The following CLCN7 variants were observed in gnomAD, a reference collection of about 807,000 sequenced individuals.
CLCN7 encodes Cl-/H+ antiporter 7.
Under a neutral mutation model 102.1 loss-of-function variants are expected in CLCN7, and 60 were observed. The ratio of observed to expected loss-of-function variants is 0.59; its 90% CI spans 0.48 to 0.73. CLCN7 has a LOEUF of 0.73. Ranked by LOEUF, CLCN7 falls within the 30% of genes least tolerant of loss-of-function variation. CLCN7 has a pLI of 0.00. For missense variants in CLCN7, 962 were observed against 1,125.7 expected (o/e 0.85, Z 2.08); for synonymous variants, 560 against 490.5 (o/e 1.14, Z -1.87).
Position 1,454,594 on chromosome 16 carries a change from G to A in CLCN7, c.1099-129C>T, listed in dbSNP as rs577284379. On this transcript the variant is annotated intron_variant, in intron 12 of 24. Coordinates refer to ENST00000382745, the MANE Select transcript of CLCN7 (RefSeq NM_001287.6). ...AGAGCCTTCCCGCCCTTCCACGCAG[G>A]CTGCGGAAGTCCACAGGGGAGAAAC... 1.9e-5 allele frequency: 17 copies of A among 898,032 alleles called. No individual in the cohort carries two copies. The East Asian group carries it at 4.3e-4, about 23-fold the overall frequency. The allele number at this position is 898,032 out of a possible 1,614,324, so 55.6% of individuals were successfully genotyped here. A position where few individuals can be genotyped will look rare whatever the true frequency, so the allele number is the denominator to read the frequency against.
chr16:1,471,212 G>A (rs1221056527), intron 1 of CLCN7, among the ~76,000 whole-genome samples: 2 of 152,166 alleles, frequency 1.3e-5, no homozygotes, highest in Admixed American at 6.5e-5. Context: ...GCCCTGCCCA[G>A]GGCAGCCACC....
intron 23 of CLCN7, 124 bp downstream of exon 23, chr16:1,447,268 G>A: frequency 3.3e-6 from 4 of 1,218,114 alleles, no homozygotes; most frequent in Non-Finnish European, 4.6e-6. Context: ...GCCCTTCACA[G>A]GAGACAGAGT....
chr16:1,451,788 C>T lies in CLCN7; in HGVS notation c.1354-72G>A, dbSNP rs77899539. 6,625 of 1,282,964 alleles carry T rather than the reference C, an allele frequency of 5.2e-3. 287 individuals carry two copies. The African/African-American group carries it at 0.087, about 17-fold the overall frequency. 79.5% of individuals were successfully genotyped at this position (1,282,964 alleles called of 1,614,324 possible). A position where few individuals can be genotyped will look rare whatever the true frequency, so the allele number is the denominator to read the frequency against. ...TGGGCTGCAGGCACAAACCTGGTGT[C>T]GCCGTGAGAGGCCGTGTACCCTGTG... is the stretch of plus-strand genomic sequence containing the variant. On this transcript the variant is annotated intron_variant, in intron 15 of 24. Transcript: ENST00000382745.
intron 21 of CLCN7, 23 bp from the exon 22 acceptor site, chr16:1,447,737 G>A: frequency 6.5e-7 from 1 of 1,548,986 alleles, no homozygotes; most frequent in Non-Finnish European, 8.7e-7. Flanking sequence ...CCCGCGGTCA[G>A]GGCCACGGGC....
In CLCN7 at chr16:1,474,826, G is replaced by C. The variant is rs11861560; in HGVS notation, c.141+8C>G. Reference sequence around the variant, plus strand: ...CAGTTTCCCCGCCTGCGCCCTGCCCGGCCTCACCTGGCGCGCAGCCCCAGG... The same window carrying C: ...CAGTTTCCCCGCCTGCGCCCTGCCCCGCCTCACCTGGCGCGCAGCCCCAGG... On this transcript the variant is annotated splice_region_variant and intron_variant, in intron 1 of 24. Transcript: ENST00000382745. 3.1e-4 allele frequency: 416 copies of C among 1,339,572 alleles called. 2 individuals carry two copies. In the African/African-American group the frequency reaches 5.9e-3, roughly 19 times the overall value. 83.0% of individuals were successfully genotyped at this position (1,339,572 alleles called of 1,614,324 possible).
intron 7 of CLCN7, among the ~76,000 whole-genome samples, chr16:1,458,146 T>G (rs1475534878): frequency 6.6e-6 from 1 of 152,224 alleles, no homozygotes; most frequent in Non-Finnish European, 1.5e-5. Context: ...CCCCTGGCAC[T>G]GGAAGGCTGG....
intron 23 of CLCN7, 144 bp from the exon 24 acceptor site, chr16:1,447,230 C>G: frequency 8.7e-7 from 1 of 1,154,876 alleles, no homozygotes; most frequent in Non-Finnish European, 1.2e-6. Context: ...CCCCTCAGCC[C>G]CTTGACTTCA....
intron 10 of CLCN7, 34 bp from the exon 11 acceptor site, chr16:1,455,829 G>A (rs769190450): frequency 6.2e-6 from 10 of 1,608,958 alleles, no homozygotes; most frequent in Non-Finnish European, 7.6e-6. Context: ...GGTGCCAGCT[G>A]GACACAGGGC....
intron 12 of CLCN7, 42 bp downstream of exon 12, chr16:1,455,092 C>T (rs745780552): frequency 1.7e-6 from 2 of 1,162,922 alleles, no homozygotes; most frequent in African/African-American, 3.0e-5. Flanking sequence ...GGGTCCTGGA[C>T]CAGGATACGA....
intron 14 of CLCN7, among the ~76,000 whole-genome samples, chr16:1,453,269 T>A (rs2038783080): frequency 6.6e-6 from 1 of 152,044 alleles, no homozygotes; most frequent in Non-Finnish European, 1.5e-5. Flanking sequence ...CGCCTCGGCC[T>A]CCCAAAGTGC....
rs746579595 is a variant in CLCN7, at chr16:1,449,294, C to T, written c.1651G>A (p.Gly551Arg). 1.3e-6 allele frequency: 2 copies of T among 1,588,916 alleles called. No individual in the cohort carries two copies. Among genetic ancestry groups the T allele is most frequent in the Non-Finnish European group, 1.7e-6 (2 of 1,168,042 alleles). ...WADPGKYALMGAAAQLGGIVR... is the reference protein window; with the variant it reads ...WADPGKYALMRAAAQLGGIVR... ...GACATACCCAGCTGGGCAGCAGCTC[C>T]CATCAGGGCGTATTTGCCGGGGTCC... Residue 551 changes from glycine (G) to arginine (R), a missense_variant, in exon 18 of 25, where the codon GGA becomes AGA. By Grantham distance (125) the Gly-to-Arg change is moderately radical. Coordinates refer to ENST00000382745, the MANE Select transcript of CLCN7 (RefSeq NM_001287.6).
rs750628872 is a variant in CLCN7, at chr16:1,452,762, G to T, written c.1346C>A (p.Pro449Gln). The T allele has an allele frequency of 3.1e-6, 5 of 1,600,118 alleles. No individual in the cohort carries two copies. The highest frequency in any genetic ancestry group is 4.3e-6 in the Non-Finnish European group (5 of 1,174,060). Reference protein sequence around the residue: ...QPLQGGSMSYPLQLFCADGEY... With the variant: ...QPLQGGSMSYQLQLFCADGEY... The stretch of plus-strand genomic sequence containing the variant: ...CCGGGCCCAGCCTCCCACCTGCAGC[G>T]GGTAGGACATGGAGCCCCCCTGCAG... Residue 449 changes from proline (P) to glutamine (Q), a missense_variant, in exon 15 of 25, where the codon CCG (proline) becomes CAG (glutamine). By Grantham distance (76) the Pro-to-Gln change is moderately conservative (BLOSUM62 -1). Transcript: ENST00000382745.
chr16:1,455,051 C>A, intron 12 of CLCN7, 83 bp downstream of exon 12: 1 of 869,312 alleles, frequency 1.2e-6, no homozygotes, highest in South Asian at 1.3e-5. Context: ...TTCTAAAGGA[C>A]CAAATTCTCA....
intron 1 of CLCN7, among the ~76,000 whole-genome samples, chr16:1,468,579 G>C (rs766568960): frequency 6.6e-6 from 1 of 152,116 alleles, no homozygotes; most frequent in Admixed American, 6.5e-5. Context: ...CAACCTACAC[G>C]GTCCCAAGCG....
chr16:1,460,340 T>A, intron 6 of CLCN7, 78 bp downstream of exon 6: 1 of 1,063,418 alleles, frequency 9.4e-7, no homozygotes, highest in Non-Finnish European at 1.4e-6. Context: ...GTGGGTGAGC[T>A]GCAGGGGTTC....
Position 1,460,755 on chromosome 16 carries a change from C to G in CLCN7, c.484+61G>C, listed in dbSNP as rs968881104. On this transcript the variant is annotated intron_variant, in intron 5 of 24. Transcript: ENST00000382745. ...ACACGCTGGGCTCAGGACTTCTGCC[C>G]GGGACTCGGCCCAGGCCACGCCCCC... The G allele has an allele frequency of 2.0e-5, 33 of 1,611,478 alleles. No individual in the cohort carries two copies. In the South Asian group the frequency reaches 2.9e-4, roughly 14 times the overall value.
At chr16:1,448,657 C>T in intron 20 of CLCN7, 24 bp downstream of exon 20, 1 of 1,611,784 alleles carries the variant, frequency 6.2e-7, no homozygotes, top group Non-Finnish European at 8.5e-7. Flanking sequence ...CCCTCCCCAC[C>T]CACAGGTGTC....
Position 1,460,837 on chromosome 16 carries a change from T to A in CLCN7, c.463A>T (p.Lys155Ter). The part of the protein sequence containing the change: ...DIVVENLAGL[K>*]YRVIKGNIDK... ...ATACTGCCCTTGATGACCCTGTACT[T>A]GAGGCCAGCCAGGTTTTCCACCACG... is the stretch of plus-strand genomic sequence containing the variant. The change falls in exon 5 of 25, where the codon AAG becomes TAG. Residue 155 changes from lysine to a stop codon, truncating the protein, a stop_gained. Coordinates refer to ENST00000382745, the MANE Select transcript of CLCN7 (RefSeq NM_001287.6). LOFTEE classifies it high-confidence loss of function. 1 of 1,614,012 alleles carries A rather than the reference T, an allele frequency of 6.2e-7. No individual in the cohort carries two copies. Among genetic ancestry groups the A allele is most frequent in the Non-Finnish European group, 8.5e-7 (1 of 1,179,938 alleles).
Position 1,446,319 on chromosome 16 carries a change from C to T in CLCN7, c.*312G>A. ...GCAGGTGCCGGCCCTGCCGCTGGCT[C>T]CCAAGAGGCCGATAGCCCGGTAGGG... On this transcript the variant is annotated 3_prime_UTR_variant, in exon 25 of 25. Transcript: ENST00000382745. 2.9e-6 allele frequency: 2 copies of T among 701,472 alleles called. No individual in the cohort carries two copies. Among genetic ancestry groups the T allele is most frequent in the Non-Finnish European group, 5.2e-6 (2 of 384,554 alleles). 43.5% of individuals were successfully genotyped at this position (701,472 alleles called of 1,614,324 possible).
Sources: allele counts gnomAD v4.1 joint callset (sites outside exome capture counted in the v4.1 genomes callset), GRCh38; gene constraint gnomAD v4.1.1; transcripts MANE v1.5; gene names NCBI Gene and HGNC (gene_info 2026-07-23, HGNC 2026-07-21).